LRRC28: variants seen among roughly 807,000 people sequenced by gnomAD.
LRRC28 encodes the protein leucine-rich repeat-containing protein 28.
Under a neutral mutation model 45.7 loss-of-function variants are expected in LRRC28, and 39 were observed. The observed-to-expected ratio is 0.85, with a 90% CI of 0.66 to 1.12. LRRC28 has a LOEUF of 1.12. Among genes scored for constraint, LRRC28 ranks in the 50% most tolerant of loss-of-function variants. The pLI, the probability that LRRC28 is intolerant of heterozygous loss-of-function variation, is 0.00. For synonymous variants in LRRC28, 206 were observed against 178.8 expected (o/e 1.15, Z -1.22); for missense variants, 435 against 438.5 (o/e 0.99, Z 0.07).
chr15:99,259,295 A>AG, intron 2 of LRRC28: 1 of 1,141,538 alleles, frequency 8.8e-7, no homozygotes, highest in South Asian at 1.2e-5. Flanking sequence ...ACTTCTGAAA[A>AG]GGGGCTATGA....
chr15:99,351,112 T>A (rs74246778), intron 6 of LRRC28, among the ~76,000 whole-genome samples: 1 of 152,026 alleles, frequency 6.6e-6, no homozygotes, highest in Non-Finnish European at 1.5e-5. Context: ...CCTGCCATAT[T>A]ATGTTCTTTC....
chr15:99,276,249 C>T lies in LRRC28; in HGVS notation c.169-327C>T, dbSNP rs191217778. Among the ~76,000 whole-genome samples the T allele has an allele frequency of 1.3e-3, 194 of 151,934 alleles. 1 individual carries two copies. Among genetic ancestry groups the T allele is most frequent in the African/African-American group, 4.0e-3 (164 of 41,394 alleles). Reference sequence around the variant, plus strand: ...ATGTAATAATAATAGAAATAAAGTGCAAAATAAATGTAATGCGCTTGAATC... The same window carrying T: ...ATGTAATAATAATAGAAATAAAGTGTAAAATAAATGTAATGCGCTTGAATC... On this transcript the variant is annotated intron_variant, in intron 2 of 9. Coordinates refer to ENST00000301981, the MANE Select transcript of LRRC28 (RefSeq NM_144598.5).
chr15:99,378,991 C>T (rs1330451257), intron 9 of LRRC28, among the ~76,000 whole-genome samples: 5 of 150,632 alleles, frequency 3.3e-5, no homozygotes, highest in Non-Finnish European at 7.4e-5. Flanking sequence ...GGATATTGGT[C>T]TAAAATTCTC....
chr15:99,303,148 T>G (rs1169985621), intron 5 of LRRC28, among the ~76,000 whole-genome samples: 1 of 152,216 alleles, frequency 6.6e-6, no homozygotes, highest in Non-Finnish European at 1.5e-5. Context: ...TTGCCAGCAT[T>G]TGGTATCTTC....
intron 5 of LRRC28, among the ~76,000 whole-genome samples, chr15:99,288,380 T>TA (rs1213803090): frequency 8.9e-6 from 1 of 111,816 alleles, no homozygotes; most frequent in East Asian, 4.5e-4. Context: ...ACTTTTTTTT[T>TA]TTTTTTTTTT....
intron 2 of LRRC28, among the ~76,000 whole-genome samples, chr15:99,260,429 C>G (rs2152126657): frequency 6.6e-6 from 1 of 152,262 alleles, no homozygotes; most frequent in Non-Finnish European, 1.5e-5. Flanking sequence ...TTTTAATCAT[C>G]AAAGATTAAA....
At chr15:99,259,866 C>T in intron 2 of LRRC28, 1 of 787,118 alleles carries the variant, frequency 1.3e-6, no homozygotes, top group Admixed American at 1.7e-5. Context: ...TCAGTTTGAA[C>T]ACATCCTGAT....
chr15:99,253,228 C>G (rs2080915762), intron 1 of LRRC28, among the ~76,000 whole-genome samples: 2 of 152,038 alleles, frequency 1.3e-5, no homozygotes, highest in South Asian at 4.2e-4. Flanking sequence ...TCAAGAGATT[C>G]TCCTGCCTCA....
At chr15:99,352,551 G>C in intron 7 of LRRC28, 80 bp downstream of exon 7, 1 of 1,131,842 alleles carries the variant, frequency 8.8e-7, no homozygotes, top group Non-Finnish European at 1.3e-6. Context: ...CTTTGCCCTT[G>C]ATGATATGCT....
intron 5 of LRRC28, chr15:99,317,456 C>G (rs1441525013): frequency 6.6e-6 from 1 of 152,166 alleles, no homozygotes; most frequent in Non-Finnish European, 1.5e-5. Flanking sequence ...TTTTCCTAAA[C>G]TTAATAGACC....
At chr15:99,368,524 G>T (rs949476557) in intron 9 of LRRC28, among the ~76,000 whole-genome samples, 1 of 152,156 alleles carries the variant, frequency 6.6e-6, no homozygotes, top group Non-Finnish European at 1.5e-5. Flanking sequence ...ATGAACCAAA[G>T]AGGTTGCCCT....
chr15:99,288,728 C>G lies in LRRC28; in HGVS notation c.385+777C>G, dbSNP rs550139064. The stretch of plus-strand genomic sequence containing the variant: ...AGAGTCTCACTCTGTTGCCCAGGCT[C>G]TAGTGCAGTGGCGTGATCTCGGCTC... On this transcript the variant is annotated intron_variant, in intron 5 of 9. Transcript: ENST00000301981. 1.9e-4 allele frequency among the ~76,000 whole-genome samples: 28 copies of G among 151,310 alleles called. 1 individual carries two copies. The South Asian group carries it at 5.4e-3, about 29-fold the overall frequency.
intron 6 of LRRC28, among the ~76,000 whole-genome samples, chr15:99,337,353 C>G (rs1011968992): frequency 6.6e-6 from 1 of 152,228 alleles, no homozygotes; most frequent in Non-Finnish European, 1.5e-5. Flanking sequence ...ACCTGACTTG[C>G]AGTGGCTGGT....
At chr15:99,376,859 A>G (rs935245084) in intron 9 of LRRC28, among the ~76,000 whole-genome samples, 1 of 152,150 alleles carries the variant, frequency 6.6e-6, no homozygotes, top group Non-Finnish European at 1.5e-5. Flanking sequence ...CCATGGCCCT[A>G]CAAAGGACAT....
chr15:99,348,547 TC>T (rs1242183253), intron 6 of LRRC28, among the ~76,000 whole-genome samples: 1 of 152,154 alleles, frequency 6.6e-6, no homozygotes, highest in Non-Finnish European at 1.5e-5. Context: ...CCCTGTTATG[TC>T]CTCTTGGTGC....
chr15:99,292,788 A>G (rs1013045372), intron 5 of LRRC28, among the ~76,000 whole-genome samples: 2 of 152,098 alleles, frequency 1.3e-5, no homozygotes, highest in Non-Finnish European at 1.5e-5. Flanking sequence ...TCCCACCTCT[A>G]TTTCAGTCAG....
intron 9 of LRRC28, among the ~76,000 whole-genome samples, chr15:99,368,921 A>C (rs1456073738): frequency 1.3e-5 from 2 of 152,232 alleles, no homozygotes; most frequent in Non-Finnish European, 2.9e-5. Context: ...AGCAGCAAGA[A>C]GAAACCAAGC....
At chr15:99,287,761 T>G in intron 4 of LRRC28, 53 bp from the exon 5 acceptor site, 1 of 1,528,262 alleles carries the variant, frequency 6.5e-7, no homozygotes, top group Non-Finnish European at 8.8e-7. Flanking sequence ...CTTTAAAGAT[T>G]TGATGTAATA....
At chr15:99,327,664 GAACT>G (rs942336446) in intron 5 of LRRC28, among the ~76,000 whole-genome samples, 3 of 151,884 alleles carry the variant, frequency 2.0e-5, no homozygotes, top group African/African-American at 7.3e-5. Context: ...TCTTTTTAAA[GAACT>G]AACTTTTGTT....
Sources: allele counts gnomAD v4.1 joint callset (sites outside exome capture counted in the v4.1 genomes callset), GRCh38; gene constraint gnomAD v4.1.1; transcripts MANE v1.5; gene names NCBI Gene and HGNC (gene_info 2026-07-23, HGNC 2026-07-21).